The following GPR158 variants were observed in gnomAD, a reference collection of about 807,000 sequenced individuals.
GPR158 encodes the protein metabotropic glycine receptor.
GPR158 carries 30 observed loss-of-function variants against 78.2 expected under a neutral mutation model. That is an observed-to-expected ratio of 0.38 (90% CI 0.29 to 0.52). GPR158 has a LOEUF of 0.52. Ranked by LOEUF, GPR158 falls within the 20% of genes least tolerant of loss-of-function variation. The probability of loss-of-function intolerance (pLI) is 0.83; values close to 1 mark genes in which losing one functional copy is unlikely to be tolerated. For missense variants in GPR158, 1,463 were observed against 1,523.5 expected (o/e 0.96, Z 0.66); for synonymous variants, 581 against 591.1 (o/e 0.98, Z 0.25).
chr10:25,458,536 G>A (rs1002062393), intron 4 of GPR158, among the ~76,000 whole-genome samples: 2 of 152,186 alleles, frequency 1.3e-5, no homozygotes, highest in Non-Finnish European at 2.9e-5. Flanking sequence ...CTTCTCTGCT[G>A]ACTTCATTTC....
At chr10:25,265,429 A>G (rs554215509) in intron 2 of GPR158, among the ~76,000 whole-genome samples, 3 of 152,278 alleles carry the variant, frequency 2.0e-5, no homozygotes, top group African/African-American at 7.2e-5. Flanking sequence ...AGAGTTCCCT[A>G]TAGACTTGAG....
At chr10:25,345,547 AACATGGAGAGAT>A (rs1855361120) in intron 2 of GPR158, among the ~76,000 whole-genome samples, 1 of 152,032 alleles carries the variant, frequency 6.6e-6, no homozygotes, top group African/African-American at 2.4e-5. Context: ...TTGCCGACTA[AACATGGAGAGAT>A]ACCAGCCCTA....
At chr10:25,329,263 T>C (rs568573707) in intron 2 of GPR158, among the ~76,000 whole-genome samples, 1 of 151,766 alleles carries the variant, frequency 6.6e-6, no homozygotes. Context: ...GGTGAAACCC[T>C]GTCTCTACTA....
At chr10:25,242,139 G>A (rs555916973) in intron 2 of GPR158, among the ~76,000 whole-genome samples, 1 of 152,314 alleles carries the variant, frequency 6.6e-6, no homozygotes, top group East Asian at 1.9e-4. Context: ...CAAAGGGGAG[G>A]CAGCAGCTTT....
chr10:25,484,267 T>G (rs1835703347), intron 5 of GPR158, among the ~76,000 whole-genome samples: 1 of 152,196 alleles, frequency 6.6e-6, no homozygotes, highest in South Asian at 2.1e-4. Flanking sequence ...CCCACGTATC[T>G]CCATGGCTCA....
intron 2 of GPR158, among the ~76,000 whole-genome samples, chr10:25,354,268 T>G (rs536315965): frequency 2.0e-5 from 3 of 151,594 alleles, no homozygotes; most frequent in African/African-American, 7.3e-5. Flanking sequence ...GGCAGGAGAA[T>G]CACTTGAACT....
intron 2 of GPR158, among the ~76,000 whole-genome samples, chr10:25,273,398 A>ATTTT (rs1311876281): frequency 2.6e-5 from 3 of 115,564 alleles, no homozygotes; most frequent in South Asian, 2.8e-4. Flanking sequence ...ACACATTGGC[A>ATTTT]TCTTTTTTTT....
intron 1 of GPR158, among the ~76,000 whole-genome samples, chr10:25,196,911 A>G (rs1306581979): frequency 1.3e-5 from 2 of 152,138 alleles, no homozygotes; most frequent in Non-Finnish European, 1.5e-5. Flanking sequence ...CCTGCCAACT[A>G]TGGTCTTAAC....
At chr10:25,339,128 G>A (rs1855267751) in intron 2 of GPR158, among the ~76,000 whole-genome samples, 4 of 150,974 alleles carry the variant, frequency 2.6e-5, no homozygotes, top group Non-Finnish European at 4.4e-5. Flanking sequence ...GGGACTACAG[G>A]CTTGCACCAC....
intron 1 of GPR158, among the ~76,000 whole-genome samples, chr10:25,214,264 G>T (rs1205804545): frequency 6.6e-6 from 1 of 152,156 alleles, no homozygotes; most frequent in African/African-American, 2.4e-5. Context: ...AAAGTGCTGG[G>T]ATTACAGGCG....
intron 2 of GPR158, among the ~76,000 whole-genome samples, chr10:25,340,127 A>G (rs977765261): frequency 2.0e-5 from 3 of 152,072 alleles, no homozygotes; most frequent in Admixed American, 2.0e-4. Context: ...TGCAGTGAGT[A>G]GAGTGCTCAC....
intron 2 of GPR158, among the ~76,000 whole-genome samples, chr10:25,265,644 A>G (rs571856803): frequency 6.6e-6 from 1 of 152,302 alleles, no homozygotes; most frequent in African/African-American, 2.4e-5. Flanking sequence ...TAGTGAAGGT[A>G]GGAAGCACAA....
chr10:25,200,276 A>ATT (rs1287905796), intron 1 of GPR158, among the ~76,000 whole-genome samples: 1 of 151,894 alleles, frequency 6.6e-6, no homozygotes, highest in African/African-American at 2.4e-5. Context: ...GATGTTGAGC[A>ATT]TTTTTTTCAT....
chr10:25,548,594 C>T lies in GPR158; in HGVS notation c.1405-2382C>T, dbSNP rs117983653. On this transcript the variant is annotated intron_variant, in intron 5 of 10. Transcript: ENST00000376351. ...ATGGGACAACTGAAGTATGGCAACG[C>T]AATATTAAATAAACTGTGGAAGCCC... Among the ~76,000 whole-genome samples, 79 of 152,036 alleles carry T rather than the reference C, an allele frequency of 5.2e-4. 1 individual carries two copies. The East Asian group carries it at 0.012, about 23-fold the overall frequency.
At chr10:25,305,730 A>C (rs7089204) in intron 2 of GPR158, among the ~76,000 whole-genome samples, 30,760 of 152,058 alleles carry the variant, frequency 0.2, 5,251 homozygotes, top group African/African-American at 0.47. Context: ...AAGAGGCAGA[A>C]AAAACAGCAA....
intron 4 of GPR158, among the ~76,000 whole-genome samples, chr10:25,448,429 C>T (rs1424254189): frequency 1.3e-5 from 2 of 152,124 alleles, no homozygotes; most frequent in African/African-American, 4.8e-5. Context: ...AGATTAATCT[C>T]TGTCTGTTGT....
At chr10:25,492,413 C>CTT (rs139421827) in intron 5 of GPR158, among the ~76,000 whole-genome samples, 1 of 150,448 alleles carries the variant, frequency 6.6e-6, no homozygotes, top group African/African-American at 2.4e-5. Context: ...TTTTCTTTTT[C>CTT]TTTTTTTTTG....
chr10:25,534,191 A>C (rs993372324), intron 5 of GPR158, among the ~76,000 whole-genome samples: 1 of 152,050 alleles, frequency 6.6e-6, no homozygotes, highest in Non-Finnish European at 1.5e-5. Flanking sequence ...ATCTGTTGTC[A>C]TTCTTACTGA....
chr10:25,484,869 ATTT>A (rs1311229837), intron 5 of GPR158, among the ~76,000 whole-genome samples: 14 of 152,250 alleles, frequency 9.2e-5, no homozygotes, highest in Middle Eastern at 3.4e-3. Flanking sequence ...CTGATTAGCA[ATTT>A]TTCAGTTAAT....
Sources: gnomAD v4.1 joint callset for allele counts (sites outside exome capture counted in the v4.1 genomes callset) on GRCh38, gnomAD v4.1.1 for gene constraint, MANE v1.5 for transcripts, NCBI Gene and HGNC (gene_info 2026-07-23, HGNC 2026-07-21) for gene names.